Variants in GRID1 observed in about 807,000 individuals in gnomAD.
The protein encoded by GRID1 is glutamate ionotropic receptor delta type subunit 1.
GRID1 carries 28 observed loss-of-function variants against 98.0 expected under a neutral mutation model. That is an observed-to-expected ratio of 0.29 (90% CI 0.21 to 0.39). GRID1 has a LOEUF of 0.39. Among genes scored for constraint, GRID1 ranks in the 10% least tolerant of loss-of-function variants. The probability of loss-of-function intolerance (pLI) is 1.00; values close to 1 mark genes in which losing one functional copy is unlikely to be tolerated. For synonymous variants in GRID1, 553 were observed against 538.5 expected, an observed-to-expected ratio of 1.03 and a Z score of -0.37; for missense variants, 1,111 against 1,340.5, an observed-to-expected ratio of 0.83 and a Z score of 2.67.
intron 12 of GRID1, among the ~76,000 whole-genome samples, chr10:85,678,469 G>A (rs1233067709): frequency 6.6e-6 from 1 of 152,050 alleles, no homozygotes; most frequent in Non-Finnish European, 1.5e-5. Flanking sequence ...GGGAAGAGTG[G>A]ACTTCCCCAA....
rs995468200 is a variant in GRID1, at chr10:86,089,194, C to T, written c.726+49625G>A. Among the ~76,000 whole-genome samples, 5 of 152,110 alleles carry T rather than the reference C, an allele frequency of 3.3e-5. No homozygotes were observed. In the South Asian group the frequency reaches 8.3e-4, roughly 25 times the overall value. ...TGCCATAAAGAGTTCACAAACACAC[C>T]GCCCCCCTACATGGTGTCAGTGAAG... On this transcript the variant is annotated intron_variant, in intron 4 of 15. Coordinates refer to ENST00000327946, the MANE Select transcript of GRID1 (RefSeq NM_017551.3).
chr10:86,290,207 A>G (rs1847493340), intron 2 of GRID1, among the ~76,000 whole-genome samples: 3 of 152,264 alleles, frequency 2.0e-5, no homozygotes, highest in Non-Finnish European at 4.4e-5. Context: ...TCAATTATAG[A>G]TAAATGAATA....
intron 2 of GRID1, among the ~76,000 whole-genome samples, chr10:86,355,018 G>A (rs1848515384): frequency 1.3e-5 from 2 of 152,212 alleles, no homozygotes; most frequent in Admixed American, 1.3e-4. Flanking sequence ...AGAACAGGAA[G>A]TGAGAGGAGG....
intron 2 of GRID1, among the ~76,000 whole-genome samples, chr10:86,304,399 T>C (rs1847731391): frequency 1.3e-5 from 2 of 152,228 alleles, no homozygotes; most frequent in African/African-American, 4.8e-5. Flanking sequence ...CAGCTCCCTG[T>C]GAATCCTGAC....
chr10:85,734,295 A>T (rs895711606), intron 8 of GRID1, among the ~76,000 whole-genome samples: 4 of 152,154 alleles, frequency 2.6e-5, no homozygotes, highest in African/African-American at 9.7e-5. Flanking sequence ...CCATGAAGAT[A>T]AGCAATCCAA....
chr10:86,323,707 G>T (rs1048807327), intron 2 of GRID1, among the ~76,000 whole-genome samples: 1 of 152,170 alleles, frequency 6.6e-6, no homozygotes, highest in Admixed American at 6.5e-5. Context: ...AAATGTTCTG[G>T]AATTAGGTAG....
At chr10:86,263,686 A>G (rs1051549521) in intron 2 of GRID1, among the ~76,000 whole-genome samples, 1 of 152,138 alleles carries the variant, frequency 6.6e-6, no homozygotes, top group Non-Finnish European at 1.5e-5. Context: ...GTGAGAATTG[A>G]GTCACTATTT....
At position 85,636,845 on chromosome 10, in the gene GRID1, T is replaced by C. The variant is rs573371840; in HGVS notation, c.2193+10357A>G. Reference sequence around the variant, plus strand: ...TTCAGTAATACTTCATCAAGGGCTTTAAATGTTTATATCCTTTTTGGCACC... The same window carrying C: ...TTCAGTAATACTTCATCAAGGGCTTCAAATGTTTATATCCTTTTTGGCACC... On this transcript the variant is annotated intron_variant, in intron 13 of 15. Transcript: ENST00000327946. 2.6e-5 allele frequency among the ~76,000 whole-genome samples: 4 copies of C among 152,342 alleles called. No individual in the cohort carries two copies. In the East Asian group the frequency reaches 7.7e-4, roughly 29 times the overall value.
At chr10:86,172,509 T>G (rs918719608) in intron 3 of GRID1, among the ~76,000 whole-genome samples, 1 of 152,164 alleles carries the variant, frequency 6.6e-6, no homozygotes, top group Admixed American at 6.5e-5. Context: ...TAAGCCTCTA[T>G]AAACCTCCCT....
At chr10:86,248,739 A>AT (rs368814786) in intron 2 of GRID1, among the ~76,000 whole-genome samples, 3,510 of 151,976 alleles carry the variant, frequency 0.023, 47 homozygotes, top group Middle Eastern at 0.051. Flanking sequence ...CACCCAGCTA[A>AT]TTTTTGTATT....
chr10:86,080,981 C>T (rs1246773608), intron 4 of GRID1, among the ~76,000 whole-genome samples: 2 of 152,092 alleles, frequency 1.3e-5, no homozygotes, highest in African/African-American at 4.8e-5. Flanking sequence ...CCAGAAAAAG[C>T]CCCAGACACA....
intron 2 of GRID1, among the ~76,000 whole-genome samples, chr10:86,312,158 G>C (rs1241949849): frequency 2.0e-5 from 3 of 152,220 alleles, no homozygotes. Context: ...GTGAAAACAA[G>C]GCAAACCTAT....
At chr10:85,790,660 GC>G (rs565922438) in intron 8 of GRID1, among the ~76,000 whole-genome samples, 66 of 152,260 alleles carry the variant, frequency 4.3e-4, no homozygotes, top group African/African-American at 1.6e-3. Flanking sequence ...GCAGGGAGCA[GC>G]CAGGCCCTTG....
At chr10:85,963,313 T>A (rs1589315656) in intron 4 of GRID1, among the ~76,000 whole-genome samples, 2 of 152,248 alleles carry the variant, frequency 1.3e-5, no homozygotes, top group Admixed American at 6.5e-5. Flanking sequence ...CCTTCCTTTC[T>A]CCACTGCCAC....
At chr10:86,227,593 C>T (rs372931978) in intron 2 of GRID1, among the ~76,000 whole-genome samples, 39 of 152,178 alleles carry the variant, frequency 2.6e-4, no homozygotes, top group African/African-American at 9.2e-4. Context: ...TCCCCAGTCC[C>T]TTCCCAATAC....
intron 8 of GRID1, among the ~76,000 whole-genome samples, chr10:85,819,287 C>A (rs972680137): frequency 2.0e-5 from 3 of 152,142 alleles, no homozygotes; most frequent in African/African-American, 7.2e-5. Context: ...GATATTTGCA[C>A]CGTTTCAAAG....
intron 4 of GRID1, among the ~76,000 whole-genome samples, chr10:85,934,695 A>G (rs1841903623): frequency 6.6e-6 from 1 of 152,198 alleles, no homozygotes. Flanking sequence ...CTTTTAGAGC[A>G]GAAAATGAAG....
At chr10:85,965,571 G>A (rs1451710167) in intron 4 of GRID1, among the ~76,000 whole-genome samples, 1 of 152,154 alleles carries the variant, frequency 6.6e-6, no homozygotes, top group Non-Finnish European at 1.5e-5. Context: ...TCACTCATAA[G>A]TGGGAGTTAA....
In GRID1 at chr10:85,796,925, G is replaced by T. The variant is rs540860876; in HGVS notation, c.1233+57571C>A. 7.4e-4 allele frequency among the ~76,000 whole-genome samples: 113 copies of T among 152,282 alleles called. 1 individual carries two copies. Among genetic ancestry groups the T allele is most frequent in the African/African-American group, 2.6e-3 (109 of 41,556 alleles). The stretch of plus-strand genomic sequence containing the variant: ...GGCTTCATTGGTTTTGTCTAACAAT[G>T]ACCCATTTTAGAAAGACTTTGTGAT... On this transcript the variant is annotated intron_variant, in intron 8 of 15. Transcript: ENST00000327946.
Sources: gnomAD v4.1 joint callset for allele counts (sites outside exome capture counted in the v4.1 genomes callset) on GRCh38, gnomAD v4.1.1 for gene constraint, MANE v1.5 for transcripts, NCBI Gene and HGNC (gene_info 2026-07-23, HGNC 2026-07-21) for gene names.